The following PTPN20 variants were observed in gnomAD, a reference collection of about 807,000 sequenced individuals.
The protein encoded by PTPN20 is tyrosine-protein phosphatase non-receptor type 20.
Under a neutral mutation model 35.0 loss-of-function variants are expected in PTPN20, and 9 were observed. That is an observed-to-expected ratio of 0.26 (90% CI 0.15 to 0.45). The LOEUF is 0.45. Ranked by LOEUF, PTPN20 falls within the 20% of genes least tolerant of loss-of-function variation. The probability of loss-of-function intolerance (pLI) is 1.00; values close to 1 mark genes in which losing one functional copy is unlikely to be tolerated. For missense variants in PTPN20, 111 were observed against 312.5 expected (o/e 0.36, Z 4.86); for synonymous variants, 32 against 100.2 (o/e 0.32, Z 4.06).
chr10:46,937,539 C>T (rs1407381817), intron 2 of PTPN20, among the ~76,000 whole-genome samples: 1 of 150,520 alleles, frequency 6.6e-6, no homozygotes, highest in African/African-American at 2.4e-5. Flanking sequence ...CTCTTTTTTT[C>T]GCTACTGTGC....
intron 5 of PTPN20, among the ~76,000 whole-genome samples, chr10:46,961,065 TAGTA>T (rs2049903296): frequency 2.3e-5 from 1 of 44,394 alleles, no homozygotes; most frequent in Non-Finnish European, 4.5e-5. Flanking sequence ...TTATTTTACT[TAGTA>T]ATGGCCCCAA....
At chr10:46,948,762 G>A (rs1393576616) in intron 5 of PTPN20, among the ~76,000 whole-genome samples, 180 of 151,712 alleles carry the variant, frequency 1.2e-3, no homozygotes, top group African/African-American at 4.0e-3. Flanking sequence ...TGCCTGGGGA[G>A]GGAGGGCCAA....
At chr10:46,918,446 T>G (rs2033799321) in intron 1 of PTPN20, among the ~76,000 whole-genome samples, 1 of 69,226 alleles carries the variant, frequency 1.4e-5, no homozygotes, top group Non-Finnish European at 2.5e-5. Context: ...ATTTAATTTC[T>G]TTTTTAATTT....
rs1400630792 is a variant in PTPN20 at position 47,001,602 on chromosome 10, A to T, written c.*861A>T. ...ATATAGGCATTATTATATAATTCTG[A>T]GTCATTCATGGTATCTCTCATGTTT... On this transcript the variant is annotated 3_prime_UTR_variant, in exon 11 of 11. Transcript: ENST00000374339. 6.6e-6 allele frequency: 1 copy of T among 151,996 alleles called. No homozygotes were observed. Among genetic ancestry groups the T allele is most frequent in the East Asian group, 1.9e-4 (1 of 5,188 alleles). 9.4% of individuals were successfully genotyped at this position (151,996 alleles called of 1,614,324 possible). A position where few individuals can be genotyped will look rare whatever the true frequency, so the allele number is the denominator to read the frequency against.
At position 46,930,023 on chromosome 10, in the gene PTPN20, G is replaced by A; in HGVS notation, c.-123-2354G>A. Among the ~76,000 whole-genome samples, 2 of 143,070 alleles carry A rather than the reference G, an allele frequency of 1.4e-5. 1 individual carries two copies. The allele number at this position is 143,070 out of a possible 152,430, so 93.9% of individuals were successfully genotyped here. A position where few individuals can be genotyped will look rare whatever the true frequency, so the allele number is the denominator to read the frequency against. On this transcript the variant is annotated intron_variant, in intron 1 of 10. Coordinates refer to ENST00000374339, the MANE Select transcript of PTPN20 (RefSeq NM_001042357.5). ...TAAGATATACTAGAAAACATGCCAG[G>A]AAAGGGAAATTTATCCAGTTTAATT... is the stretch of plus-strand genomic sequence containing the variant.
intron 3 of PTPN20, among the ~76,000 whole-genome samples, chr10:46,941,336 C>G (rs1475820834): frequency 2.6e-3 from 358 of 135,396 alleles, no homozygotes; most frequent in East Asian, 4.1e-3. Flanking sequence ...CCTACCACTT[C>G]CCCTGTTCAA....
Position 46,911,521 on chromosome 10 carries a change from G to T in PTPN20, c.-124+20G>T. The stretch of plus-strand genomic sequence containing the variant: ...GCCCAGGTGAGGAAAGGTGGCTGGG[G>T]GCCAGGTGGGCAGGGGGCGTGCGGG... On this transcript the variant is annotated intron_variant, in intron 1 of 10. Coordinates refer to ENST00000374339, the MANE Select transcript of PTPN20 (RefSeq NM_001042357.5). 4.9e-6 allele frequency: 1 copy of T among 205,700 alleles called. No individual in the cohort carries two copies. The highest frequency in any genetic ancestry group is 4.8e-5 in the South Asian group (1 of 20,684). 12.7% of individuals were successfully genotyped at this position (205,700 alleles called of 1,614,324 possible).
rs2059898543 is a variant in PTPN20 at position 47,000,401 on chromosome 10, G to A, written c.1198-275G>A. Among the ~76,000 whole-genome samples the A allele has an allele frequency of 5.9e-5, 9 of 152,248 alleles. No homozygotes were observed. The South Asian group carries it at 1.9e-3, about 32-fold the overall frequency. ...TCACAGATTTGTTAGTAGTCATTGG[G>A]AGGGTAGATTAATAGAATATGGATA... On this transcript the variant is annotated intron_variant, in intron 10 of 10. Coordinates refer to ENST00000374339, the MANE Select transcript of PTPN20 (RefSeq NM_001042357.5).
intron 9 of PTPN20, 25 bp from the exon 10 acceptor site, chr10:46,999,887 C>G (rs782542724): frequency 4.3e-6 from 7 of 1,613,242 alleles, no homozygotes; most frequent in South Asian, 1.1e-5. Flanking sequence ...GTGGATCATA[C>G]AAAATTACTG....
At chr10:46,999,727 C>T (rs1398353850) in intron 9 of PTPN20, among the ~76,000 whole-genome samples, 185 bp from the exon 10 acceptor site, 1 of 152,170 alleles carries the variant, frequency 6.6e-6, no homozygotes, top group Non-Finnish European at 1.5e-5. Context: ...CTGCTTTCTC[C>T]TGAAAACCTA....
intron 1 of PTPN20, among the ~76,000 whole-genome samples, chr10:46,929,608 T>C (rs1555117081): frequency 6.6e-6 from 1 of 151,350 alleles, no homozygotes; most frequent in Admixed American, 6.6e-5. Context: ...CATGTCTCCA[T>C]TGTGTTAGTC....
At chr10:46,997,699 A>T (rs1235686021) in intron 9 of PTPN20, among the ~76,000 whole-genome samples, 1 of 151,892 alleles carries the variant, frequency 6.6e-6, no homozygotes, top group Non-Finnish European at 1.5e-5. Context: ...TTTATAAGGA[A>T]CCCTCAAAAA....
intron 7 of PTPN20, among the ~76,000 whole-genome samples, chr10:46,975,931 G>T (rs1282126692): frequency 6.6e-6 from 1 of 151,520 alleles, no homozygotes; most frequent in African/African-American, 2.4e-5. Context: ...AAAGTGCTGG[G>T]ATTATAAGCA....
At chr10:46,992,848 G>A (rs2058255007) in intron 9 of PTPN20, among the ~76,000 whole-genome samples, 3 of 152,316 alleles carry the variant, frequency 2.0e-5, no homozygotes, top group South Asian at 4.1e-4. Context: ...GAGAGGGCAC[G>A]TGTTCTTTTA....
intron 3 of PTPN20, among the ~76,000 whole-genome samples, chr10:46,941,271 C>T (rs1372758692): frequency 2.8e-5 from 4 of 144,350 alleles, no homozygotes; most frequent in Non-Finnish European, 5.9e-5. Context: ...GTGTTCATTT[C>T]CTGTAAGTTA....
chr10:46,931,541 G>A (rs2039592689), intron 1 of PTPN20, among the ~76,000 whole-genome samples: 1 of 141,758 alleles, frequency 7.1e-6, no homozygotes, highest in Admixed American at 6.9e-5. Context: ...GACCACAGGT[G>A]TGTGCCACCA....
chr10:46,928,322 T>G (rs2132872437), intron 1 of PTPN20, among the ~76,000 whole-genome samples: 1 of 152,086 alleles, frequency 6.6e-6, no homozygotes, highest in South Asian at 2.1e-4. Context: ...TAACTTGATA[T>G]TATCTTTATC....
intron 2 of PTPN20, among the ~76,000 whole-genome samples, chr10:46,937,526 A>G (rs1321600655): frequency 6.6e-6 from 1 of 151,142 alleles, no homozygotes; most frequent in African/African-American, 2.4e-5. Context: ...GAGTCTGTTC[A>G]GTCTCTTTTT....
chr10:46,967,403 T>C (rs2050989021), intron 6 of PTPN20, among the ~76,000 whole-genome samples: 1 of 89,068 alleles, frequency 1.1e-5, no homozygotes, highest in Non-Finnish European at 1.9e-5. Flanking sequence ...ATCCCTGTAT[T>C]CCAGTGTCTG....
Sources: allele counts gnomAD v4.1 joint callset (sites outside exome capture counted in the v4.1 genomes callset), GRCh38; gene constraint gnomAD v4.1.1; transcripts MANE v1.5; gene names NCBI Gene and HGNC (gene_info 2026-07-23, HGNC 2026-07-21).